The following CATSPERB variants were observed in gnomAD, a reference collection of about 807,000 sequenced individuals.
The protein encoded by CATSPERB is catsper channel auxiliary subunit beta.
Under a neutral mutation model 128.3 loss-of-function variants are expected in CATSPERB, and 93 were observed. That is an observed-to-expected ratio of 0.72 (90% CI 0.61 to 0.86). The LOEUF (loss-of-function observed/expected upper bound fraction) is 0.86. CATSPERB is among the 40% of genes least tolerant of loss of function. The pLI is 0.00. For missense variants in CATSPERB, 1,153 were observed against 1,329.5 expected, an observed-to-expected ratio of 0.87 and a Z score of 2.06; for synonymous variants, 381 against 448.8, an observed-to-expected ratio of 0.85 and a Z score of 1.91.
Position 91,665,473 on chromosome 14 carries a change from G to A in CATSPERB, c.1287+4341C>T, listed in dbSNP as rs59075826. On this transcript the variant is annotated intron_variant, in intron 14 of 26. Transcript: ENST00000256343. ...GCCCAAGAACTCTATTTAGATGATC[G>A]CCTGTTATATATGTGGAGAAACCTG... Among the ~76,000 whole-genome samples, 3 of 152,206 alleles carry A rather than the reference G, an allele frequency of 2.0e-5. No individual in the cohort carries two copies. In the East Asian group the frequency reaches 5.8e-4, roughly 29 times the overall value.
chr14:91,666,898 C>T (rs958223891), intron 14 of CATSPERB, among the ~76,000 whole-genome samples: 7 of 152,288 alleles, frequency 4.6e-5, no homozygotes, highest in East Asian at 1.9e-4. Context: ...AGATTTATGC[C>T]GCCCGAGATG....
At chr14:91,605,195 G>C in intron 22 of CATSPERB, 1 of 1,556,224 alleles carries the variant, frequency 6.4e-7, no homozygotes, top group Non-Finnish European at 8.8e-7. Flanking sequence ...CATCTCAGCA[G>C]AAGACATTTG....
intron 14 of CATSPERB, among the ~76,000 whole-genome samples, chr14:91,668,400 T>C (rs976581947): frequency 6.6e-6 from 1 of 152,018 alleles, no homozygotes; most frequent in African/African-American, 2.4e-5. Flanking sequence ...AGCTAAAGGA[T>C]TGTAAACGCA....
At chr14:91,629,742 T>C (rs774622460) in intron 17 of CATSPERB, among the ~76,000 whole-genome samples, 19 of 152,184 alleles carry the variant, frequency 1.2e-4, no homozygotes, top group African/African-American at 1.9e-4. Context: ...CAATGGCCAA[T>C]GGTCAGGCAG....
At chr14:91,704,528 C>T in intron 7 of CATSPERB, 24 bp downstream of exon 7, 1 of 1,577,716 alleles carries the variant, frequency 6.3e-7, no homozygotes. Context: ...CCAATGTCAA[C>T]ATTTAATGAA....
intron 16 of CATSPERB, among the ~76,000 whole-genome samples, chr14:91,637,518 A>G (rs957333): frequency 0.24 from 36,239 of 152,100 alleles, 4,505 homozygotes; most frequent in South Asian, 0.38. Context: ...TGCAAGTCCA[A>G]TGAAAGGCAG....
At chr14:91,717,575 CATAG>C (rs1361428668) in intron 5 of CATSPERB, among the ~76,000 whole-genome samples, 4 of 152,220 alleles carry the variant, frequency 2.6e-5, no homozygotes, top group African/African-American at 7.2e-5. Flanking sequence ...AATGAAATAA[CATAG>C]ATAGAGTGTT....
intron 15 of CATSPERB, among the ~76,000 whole-genome samples, chr14:91,646,766 AAT>A (rs1274221572): frequency 6.6e-6 from 1 of 152,248 alleles, no homozygotes; most frequent in Non-Finnish European, 1.5e-5. Context: ...TCAGCCCTCC[AAT>A]ACAATGATGA....
At chr14:91,663,445 A>T (rs1265804709) in intron 14 of CATSPERB, among the ~76,000 whole-genome samples, 1 of 152,104 alleles carries the variant, frequency 6.6e-6, no homozygotes, top group Non-Finnish European at 1.5e-5. Context: ...GGAGATCGAG[A>T]CCATCCTGGC....
At chr14:91,647,175 T>C (rs1894620556) in intron 15 of CATSPERB, among the ~76,000 whole-genome samples, 1 of 152,242 alleles carries the variant, frequency 6.6e-6, no homozygotes, top group African/African-American at 2.4e-5. Context: ...ACAGGTTTTT[T>C]TCTCTCTTTT....
chr14:91,685,482 G>A (rs1895357804), intron 10 of CATSPERB, among the ~76,000 whole-genome samples: 1 of 152,158 alleles, frequency 6.6e-6, no homozygotes, highest in South Asian at 2.1e-4. Flanking sequence ...CATTGAGACT[G>A]CCTATGTGCA....
chr14:91,655,654 A>G (rs933385190), intron 15 of CATSPERB, among the ~76,000 whole-genome samples: 1 of 148,110 alleles, frequency 6.8e-6, no homozygotes, highest in Non-Finnish European at 1.5e-5. Context: ...TAGATGAAAG[A>G]AAAAAGAATA....
chr14:91,588,108 C>A, intron 24 of CATSPERB, 30 bp from the exon 25 acceptor site: 1 of 1,404,844 alleles, frequency 7.1e-7, no homozygotes, highest in Non-Finnish European at 9.9e-7. Flanking sequence ...ATTTTAAGCA[C>A]ACTTATTTTT....
chr14:91,712,275 G>C (rs1016946342), intron 5 of CATSPERB, among the ~76,000 whole-genome samples: 2 of 152,116 alleles, frequency 1.3e-5, no homozygotes, highest in African/African-American at 4.8e-5. Context: ...ATAAACAAGA[G>C]TTAAGTTTCT....
At chr14:91,667,662 C>CT (rs1285733841) in intron 14 of CATSPERB, among the ~76,000 whole-genome samples, 5 of 152,208 alleles carry the variant, frequency 3.3e-5, no homozygotes, top group African/African-American at 1.2e-4. Context: ...CCGCCAAGGC[C>CT]TAGACCTCCT....
Position 91,598,871 on chromosome 14 carries a change from A to AAG in CATSPERB, c.2710-6870_2710-6869insCT, listed in dbSNP as rs1041513378. On this transcript the variant is annotated intron_variant, in intron 22 of 26. Coordinates refer to ENST00000256343, the MANE Select transcript of CATSPERB (RefSeq NM_024764.4). ...AGACTCTGTCTCAAAAAAAAAAAAAAAAAAAGGAAAAAGATTTGACCTAAC... is the reference window on the plus strand; with the variant it reads ...AGACTCTGTCTCAAAAAAAAAAAAAAAGAAAAAGGAAAAAGATTTGACCTAAC... Among the ~76,000 whole-genome samples the AAG allele has an allele frequency of 6.6e-5, 10 of 151,442 alleles. 1 individual carries two copies. The highest frequency in any genetic ancestry group is 6.2e-4 in the South Asian group (3 of 4,804).
chr14:91,655,665 A>G (rs2139818111), intron 15 of CATSPERB, among the ~76,000 whole-genome samples: 1 of 152,306 alleles, frequency 6.6e-6, no homozygotes, highest in South Asian at 2.1e-4. Context: ...AAAAAGAATA[A>G]AAAGGAATGA....
In CATSPERB at chr14:91,661,857, T is replaced by C. The variant is rs182749766; in HGVS notation, c.1288-1876A>G. Among the ~76,000 whole-genome samples the C allele has an allele frequency of 1.4e-4, 21 of 152,220 alleles. No individual in the cohort carries two copies. The East Asian group carries it at 4.1e-3, about 29-fold the overall frequency. On this transcript the variant is annotated intron_variant, in intron 14 of 26. Coordinates refer to ENST00000256343, the MANE Select transcript of CATSPERB (RefSeq NM_024764.4). ...ACAACTTTAATAGAGACTACCCAAGTGCTCTTCAGTTTTGCTGAACCAGAT... is the reference window on the plus strand; with the variant it reads ...ACAACTTTAATAGAGACTACCCAAGCGCTCTTCAGTTTTGCTGAACCAGAT...
At chr14:91,621,557 A>G in intron 19 of CATSPERB, 51 bp downstream of exon 19, 1 of 1,377,822 alleles carries the variant, frequency 7.3e-7, no homozygotes, top group Middle Eastern at 2.6e-4. Flanking sequence ...TTCACATTCA[A>G]GAAAAGAAAT....
Sources: allele counts gnomAD v4.1 joint callset (sites outside exome capture counted in the v4.1 genomes callset), GRCh38; gene constraint gnomAD v4.1.1; transcripts MANE v1.5; gene names NCBI Gene and HGNC (gene_info 2026-07-23, HGNC 2026-07-21).